ZNF207: variants seen among roughly 807,000 people sequenced by gnomAD.
ZNF207 encodes BUB3-interacting and GLEBS motif-containing protein ZNF207.
ZNF207 carries 24 observed loss-of-function variants against 60.2 expected under a neutral mutation model. The ratio of observed to expected loss-of-function variants is 0.40; its 90% CI spans 0.29 to 0.56. ZNF207 has a LOEUF of 0.56. Ranked by LOEUF, ZNF207 falls within the 20% of genes least tolerant of loss-of-function variation. The probability of loss-of-function intolerance (pLI) is 0.49; values close to 1 mark genes in which losing one functional copy is unlikely to be tolerated. For missense variants in ZNF207, 452 were observed against 636.6 expected (o/e 0.71, Z 3.12); for synonymous variants, 236 against 194.7 (o/e 1.21, Z -1.77).
rs1238584522 is a variant in ZNF207, at chr17:32,374,017, C to G, written c.*4258C>G. 6.6e-6 allele frequency: 1 copy of G among 152,278 alleles called. No homozygotes were observed. The highest frequency in any genetic ancestry group is 1.5e-5 in the Non-Finnish European group (1 of 68,224). 9.4% of individuals were successfully genotyped at this position (152,278 alleles called of 1,614,324 possible). A position where few individuals can be genotyped will look rare whatever the true frequency, so the allele number is the denominator to read the frequency against. On this transcript the variant is annotated 3_prime_UTR_variant, in exon 12 of 12. Transcript: ENST00000394670. ...ATTCAAGTGATTCTCCTGCCTCAGC[C>G]TCCCGAGTAGCTGGGATTATAGGCT...
chr17:32,365,605 ATTTAT>A, intron 8 of ZNF207, 118 bp downstream of exon 8: 1 of 897,796 alleles, frequency 1.1e-6, no homozygotes, highest in Non-Finnish European at 1.5e-6. Flanking sequence ...TTTTAATATT[ATTTAT>A]TAAATATACT....
chr17:32,369,244 G>C, intron 10 of ZNF207, 51 bp from the exon 11 acceptor site: 1 of 1,587,732 alleles, frequency 6.3e-7, no homozygotes. Flanking sequence ...CTTTATGCTT[G>C]GTGAGCCTCT....
intron 9 of ZNF207, 146 bp from the exon 10 acceptor site, chr17:32,367,626 G>A (rs558820205): frequency 2.5e-5 from 28 of 1,108,348 alleles, no homozygotes; most frequent in Non-Finnish European, 3.3e-5. Flanking sequence ...GAATTTTGTG[G>A]AATGTTTATC....
intron 2 of ZNF207, among the ~76,000 whole-genome samples, chr17:32,357,345 A>ATTT (rs1232093255): frequency 1.8e-3 from 114 of 64,964 alleles, no homozygotes; most frequent in Middle Eastern, 7.2e-3. Flanking sequence ...TATTATTATT[A>ATTT]TTATTATTTT....
At position 32,369,881 on chromosome 17, in the gene ZNF207, A is replaced by G; in HGVS notation, c.*122A>G. On this transcript the variant is annotated 3_prime_UTR_variant, in exon 12 of 12. Transcript: ENST00000394670. ...ACTTTAACAAACATTATCTTCCCAC[A>G]TACCAGGAACTATTGGACATTTATT... 9.2e-7 allele frequency: 1 copy of G among 1,090,240 alleles called. No individual in the cohort carries two copies. The allele number at this position is 1,090,240 out of a possible 1,614,324, so 67.5% of individuals were successfully genotyped here.
chr17:32,355,628 G>A (rs904784839), intron 2 of ZNF207, among the ~76,000 whole-genome samples: 15 of 152,276 alleles, frequency 9.9e-5, no homozygotes, highest in African/African-American at 3.6e-4. Flanking sequence ...TTTAAGCCGC[G>A]CTACCAGATG....
rs747882545 is a variant in ZNF207, at chr17:32,379,687, A to G, written c.*9928A>G. The G allele has an allele frequency of 6.6e-6, 1 of 152,110 alleles. No individual in the cohort carries two copies. Among genetic ancestry groups the G allele is most frequent in the African/African-American group, 2.4e-5 (1 of 41,416 alleles). 9.4% of individuals were successfully genotyped at this position (152,110 alleles called of 1,614,324 possible). ...TTTACCAAAATTCTTCCTGCAGACT[A>G]GTTGCTTACAGGGTTTCTTTGAGAG... On this transcript the variant is annotated 3_prime_UTR_variant, in exon 12 of 12. Transcript: ENST00000394670.
chr17:32,352,682 A>G (rs1204226326), intron 2 of ZNF207, among the ~76,000 whole-genome samples: 1 of 152,154 alleles, frequency 6.6e-6, no homozygotes, highest in Non-Finnish European at 1.5e-5. Flanking sequence ...TTCTTTTGGA[A>G]TGGCAGCATT....
intron 9 of ZNF207, among the ~76,000 whole-genome samples, chr17:32,367,292 A>G (rs12943351): frequency 1.5e-5 from 1 of 67,204 alleles, no homozygotes; most frequent in African/African-American, 3.8e-5. Flanking sequence ...TATAAAGAAT[A>G]CTACTAAAGG....
intron 7 of ZNF207, among the ~76,000 whole-genome samples, chr17:32,364,391 T>C (rs964721155): frequency 4.0e-5 from 6 of 148,716 alleles, no homozygotes; most frequent in Non-Finnish European, 7.4e-5. Context: ...GGAGTTTTGC[T>C]CTGTTGCCCA....
intron 9 of ZNF207, among the ~76,000 whole-genome samples, chr17:32,367,239 T>TATATATA (rs1905206663): frequency 2.2e-4 from 7 of 32,188 alleles, no homozygotes; most frequent in Admixed American, 5.2e-4. Context: ...TTGGAGGGGA[T>TATATATA]TATATATATA....
In ZNF207 at chr17:32,372,581, GA is replaced by G. The variant is rs1359781027; in HGVS notation, c.*2823del. On this transcript the variant is annotated 3_prime_UTR_variant, in exon 12 of 12. Transcript: ENST00000394670. Reference sequence around the variant, plus strand: ...TAATTGAAAGTGTTAGGCATTGGCAGATAAAACTTAAGCTCATGAGTTCCTG... The same window carrying G: ...TAATTGAAAGTGTTAGGCATTGGCAGTAAAACTTAAGCTCATGAGTTCCTG... 6.6e-6 allele frequency: 1 copy of G among 152,048 alleles called. No individual in the cohort carries two copies. The highest frequency in any genetic ancestry group is 2.4e-5 in the African/African-American group (1 of 41,300). 9.4% of individuals were successfully genotyped at this position (152,048 alleles called of 1,614,324 possible).
chr17:32,356,979 T>C (rs998678999), intron 2 of ZNF207, among the ~76,000 whole-genome samples: 1 of 152,060 alleles, frequency 6.6e-6, no homozygotes, highest in African/African-American at 2.4e-5. Flanking sequence ...TTCAGGAGTT[T>C]GAGAGCAGCC....
chr17:32,365,412 A>G lies in ZNF207; in HGVS notation c.753A>G (p.Arg251=). Residue 251 remains arginine, a synonymous_variant, in exon 8 of 12, where the codon AGA becomes AGG. Coordinates refer to ENST00000394670, the MANE Select transcript of ZNF207 (RefSeq NM_001098507.2). ...QAVSAPGILN[R]PPAPTATVPA... is the part of the protein sequence containing the mutation. ...TTTCAGCGCCAGGTATTCTTAATAGACCACCTGCACCAACAGCAACTGTAC... is the reference window on the plus strand; with the variant it reads ...TTTCAGCGCCAGGTATTCTTAATAGGCCACCTGCACCAACAGCAACTGTAC... The G allele has an allele frequency of 1.2e-6, 2 of 1,614,096 alleles. No individual in the cohort carries two copies. The highest frequency in any genetic ancestry group is 1.7e-6 in the Non-Finnish European group (2 of 1,180,028).
At chr17:32,351,450 C>T (rs977391104) in intron 1 of ZNF207, 1 of 1,367,694 alleles carries the variant, frequency 7.3e-7, no homozygotes, top group Non-Finnish European at 9.4e-7. Context: ...TAACTGAACT[C>T]TTTCCTGTCC....
In ZNF207 at chr17:32,362,967, T is replaced by C. The variant is rs760074462; in HGVS notation, c.653T>C (p.Met218Thr). Residue 218 changes from methionine to threonine, a missense_variant, in exon 7 of 12, where the codon ATG becomes ACG. Coordinates refer to ENST00000394670, the MANE Select transcript of ZNF207 (RefSeq NM_001098507.2). The stretch of plus-strand genomic sequence containing the variant: ...CCTGGACCAGGAATACCACCTCTGA[T>C]GCCTGGAATGCCACCAGGTATATGT... ...MPPGPGIPPL[M>T]PGMPPGMPPP... 6.2e-7 allele frequency: 1 copy of C among 1,613,362 alleles called. No homozygotes were observed. Among genetic ancestry groups the C allele is most frequent in the Admixed American group, 1.7e-5 (1 of 60,024 alleles).
Position 32,355,678 on chromosome 17 carries a change from T to G in ZNF207, c.169-2825T>G, listed in dbSNP as rs541865081. Among the ~76,000 whole-genome samples the G allele has an allele frequency of 7.9e-5, 12 of 152,266 alleles. No homozygotes were observed. In the South Asian group the frequency reaches 2.5e-3, roughly 32 times the overall value. ...TGTAGTGTGGTTGGAAATTAGGTGC[T>G]CTCTGCTCTAGGCCACTTCCAACAT... On this transcript the variant is annotated intron_variant, in intron 2 of 11. Coordinates refer to ENST00000394670, the MANE Select transcript of ZNF207 (RefSeq NM_001098507.2).
chr17:32,355,260 C>T (rs1020244782), intron 2 of ZNF207, among the ~76,000 whole-genome samples: 5 of 152,092 alleles, frequency 3.3e-5, no homozygotes, highest in South Asian at 2.1e-4. Context: ...CATGGTGGCA[C>T]GTGCCTGTGT....
intron 1 of ZNF207, chr17:32,351,512 A>G: frequency 6.6e-7 from 1 of 1,504,900 alleles, no homozygotes; most frequent in Non-Finnish European, 8.8e-7. Flanking sequence ...TTTCACCGAC[A>G]TCTCTGTTAA....
Sources: allele counts gnomAD v4.1 joint callset (sites outside exome capture counted in the v4.1 genomes callset), GRCh38; gene constraint gnomAD v4.1.1; transcripts MANE v1.5; gene names NCBI Gene and HGNC (gene_info 2026-07-23, HGNC 2026-07-21).